The following UTP4 variants were observed in gnomAD, a reference collection of about 807,000 sequenced individuals.
The protein encoded by UTP4 is U3 small nucleolar RNA-associated protein 4 homolog.
Under a neutral mutation model 82.4 loss-of-function variants are expected in UTP4, and 45 were observed. The ratio of observed to expected loss-of-function variants is 0.55; its 90% CI spans 0.43 to 0.70. UTP4 has a LOEUF of 0.70. UTP4 is among the 30% of genes least tolerant of loss of function. UTP4 has a pLI of 0.00. For missense variants in UTP4, 819 were observed against 858.3 expected, an observed-to-expected ratio of 0.95 and a Z score of 0.57; for synonymous variants, 348 against 300.3, an observed-to-expected ratio of 1.16 and a Z score of -1.64.
At chr16:69,165,975 A>G (rs1285684464) in intron 15 of UTP4, 1 of 281,998 alleles carries the variant, frequency 3.5e-6, no homozygotes, top group East Asian at 8.9e-5. Context: ...CCCCTTCGCT[A>G]AAGCTACTAA....
intron 6 of UTP4, among the ~76,000 whole-genome samples, chr16:69,145,149 CAATAATAAT>C (rs917951120): frequency 6.6e-6 from 1 of 151,004 alleles, no homozygotes; most frequent in Non-Finnish European, 1.5e-5. Flanking sequence ...TCTCAAATAA[CAATAATAAT>C]AATAATAATA....
intron 5 of UTP4, among the ~76,000 whole-genome samples, chr16:69,140,226 G>A (rs1962921888): frequency 6.6e-6 from 1 of 152,118 alleles, no homozygotes; most frequent in African/African-American, 2.4e-5. Context: ...CCCAGTCCTT[G>A]GTAAAAATGG....
intron 2 of UTP4, 150 bp from the exon 3 acceptor site, chr16:69,136,546 A>G: frequency 1.3e-6 from 1 of 787,064 alleles, no homozygotes; most frequent in Admixed American, 2.0e-5. Context: ...GAGCTGAAAA[A>G]ATGAAAATGT....
At chr16:69,165,200 A>AT in intron 14 of UTP4, 141 bp from the exon 15 acceptor site, 1 of 731,752 alleles carries the variant, frequency 1.4e-6, no homozygotes, top group Non-Finnish European at 2.2e-6. Context: ...ATCTCAAAAA[A>AT]AAAAAAAAGT....
intron 12 of UTP4, among the ~76,000 whole-genome samples, chr16:69,159,998 C>CA (rs1364113885): frequency 1.4e-5 from 2 of 147,118 alleles, no homozygotes; most frequent in Non-Finnish European, 3.0e-5. Context: ...AAAAAAAAAA[C>CA]AAAAAACAGA....
At chr16:69,160,600 T>A in intron 13 of UTP4, 138 bp downstream of exon 13, 1 of 342,876 alleles carries the variant, frequency 2.9e-6, no homozygotes, top group East Asian at 6.1e-5. Context: ...TTTCTTTTCT[T>A]TTTTTTTTTT....
rs1962854555 is a variant in UTP4, at chr16:69,137,984, T to C, written c.436+99T>C. ...TATTTTCCCATGAATCCAGGTAATA[T>C]TTTATCTCTACTGGGTACAGGGAGG... is the stretch of plus-strand genomic sequence containing the variant. On this transcript the variant is annotated intron_variant, in intron 4 of 16. Coordinates refer to ENST00000314423, the MANE Select transcript of UTP4 (RefSeq NM_032830.3). 3 of 807,432 alleles carry C rather than the reference T, an allele frequency of 3.7e-6. No individual in the cohort carries two copies. The South Asian group carries it at 4.2e-5, about 11-fold the overall frequency. The allele number at this position is 807,432 out of a possible 1,614,324, so 50.0% of individuals were successfully genotyped here.
chr16:69,135,560 A>G (rs543316211), intron 2 of UTP4, among the ~76,000 whole-genome samples: 1 of 152,242 alleles, frequency 6.6e-6, no homozygotes, highest in African/African-American at 2.4e-5. Flanking sequence ...AAAAATAAAT[A>G]AATAAATTAG....
At chr16:69,156,477 TGACC>T (rs1963418632) in intron 11 of UTP4, among the ~76,000 whole-genome samples, 2 of 144,768 alleles carry the variant, frequency 1.4e-5, no homozygotes, top group Non-Finnish European at 1.5e-5. Flanking sequence ...TTTTTTTTTT[TGACC>T]GAGTTTCACT....
intron 12 of UTP4, among the ~76,000 whole-genome samples, 169 bp downstream of exon 12, chr16:69,157,409 T>A (rs1179248709): frequency 6.6e-6 from 1 of 152,186 alleles, no homozygotes; most frequent in African/African-American, 2.4e-5. Flanking sequence ...AGATGAAGAC[T>A]CTCGATGAGA....
intron 6 of UTP4, among the ~76,000 whole-genome samples, chr16:69,145,569 CTTTTTTT>C (rs553089825): frequency 6.9e-6 from 1 of 145,588 alleles, no homozygotes; most frequent in Non-Finnish European, 1.5e-5. Flanking sequence ...TTTTCTTTTT[CTTTTTTT>C]TTTTGTAAAT....
chr16:69,153,774 A>G, intron 9 of UTP4, 94 bp downstream of exon 9: 1 of 846,496 alleles, frequency 1.2e-6, no homozygotes, highest in Non-Finnish European at 2.0e-6. Context: ...GAAAAACTGA[A>G]GTAGACTTTT....
intron 5 of UTP4, among the ~76,000 whole-genome samples, chr16:69,142,918 T>A (rs1963000918): frequency 6.6e-6 from 1 of 152,162 alleles, no homozygotes; most frequent in Admixed American, 6.6e-5. Flanking sequence ...CCCCTTCTCT[T>A]CAGGTAACCA....
chr16:69,149,299 G>A (rs1193904010), intron 6 of UTP4, among the ~76,000 whole-genome samples: 1 of 152,148 alleles, frequency 6.6e-6, no homozygotes, highest in African/African-American at 2.4e-5. Context: ...AGAATGGCTT[G>A]AACCAAGGAG....
At chr16:69,140,034 TCTTCTGAGATGTCCA>T (rs1410046547) in intron 5 of UTP4, 120 bp downstream of exon 5, 5 of 767,792 alleles carry the variant, frequency 6.5e-6, no homozygotes, top group Non-Finnish European at 1.2e-5. Context: ...ATGTCATTAA[TCTTCTGAGATGTCCA>T]CAATTAATTT....
At chr16:69,159,002 A>G (rs1465318542) in intron 12 of UTP4, among the ~76,000 whole-genome samples, 2 of 152,296 alleles carry the variant, frequency 1.3e-5, no homozygotes, top group African/African-American at 2.4e-5. Context: ...CAGGCATCCA[A>G]TAAATTAAAG....
At chr16:69,137,726 G>T in intron 3 of UTP4, 75 bp from the exon 4 acceptor site, 1 of 821,674 alleles carries the variant, frequency 1.2e-6, no homozygotes, top group South Asian at 1.4e-5. Context: ...GTGTGTTGGG[G>T]GGTGTGTGTG....
rs761083725 is a variant in UTP4, at chr16:69,167,075, C to G, written c.1834C>G (p.Pro612Ala). The change falls in exon 16 of 17, where the codon CCC (proline) becomes GCC (alanine). Residue 612 changes from proline to alanine, a missense_variant and splice_region_variant. Transcript: ENST00000314423. ...AAACAATGTGTCTTTGTTTTTTTAG[C>G]CCCTTCCAAATGACAAAACCTTACT... Reference protein sequence around the residue: ...YMFCIIDKSLPLPNDKTLLYN... With the variant: ...YMFCIIDKSLALPNDKTLLYN... 3.7e-6 allele frequency: 6 copies of G among 1,606,306 alleles called. No homozygotes were observed. The African/African-American group carries it at 8.0e-5, about 22-fold the overall frequency.
In UTP4 at chr16:69,136,632, G is replaced by T; in HGVS notation, c.160-64G>T. 3 of 1,529,758 alleles carry T rather than the reference G, an allele frequency of 2.0e-6. No homozygotes were observed. The South Asian group carries it at 3.4e-5, about 17-fold the overall frequency. The allele number at this position is 1,529,758 out of a possible 1,614,324, so 94.8% of individuals were successfully genotyped here. On this transcript the variant is annotated intron_variant, in intron 2 of 16. Coordinates refer to ENST00000314423, the MANE Select transcript of UTP4 (RefSeq NM_032830.3). The stretch of plus-strand genomic sequence containing the variant: ...AAGTTGTTTTTACCATGTTGCCTGT[G>T]ACCACTCAGTACCGGTACCTGATGA...
Sources: gnomAD v4.1 joint callset for allele counts (sites outside exome capture counted in the v4.1 genomes callset) on GRCh38, gnomAD v4.1.1 for gene constraint, MANE v1.5 for transcripts, NCBI Gene and HGNC (gene_info 2026-07-23, HGNC 2026-07-21) for gene names.